The following DAW1 variants were observed in gnomAD, a reference collection of about 807,000 sequenced individuals.
DAW1 encodes the protein dynein assembly factor with WD repeats 1, also known as dynein assembly factor with WD repeat domains 1.
A neutral mutation model predicts 56.5 loss-of-function variants in DAW1; 47 were observed. The observed-to-expected ratio is 0.83, with a 90% CI of 0.66 to 1.06. The LOEUF is 1.06. Ranked by LOEUF, DAW1 falls within the 50% of genes least tolerant of loss-of-function variation. The probability of loss-of-function intolerance (pLI) is 0.00; values close to 1 mark genes in which losing one functional copy is unlikely to be tolerated. For missense variants in DAW1, 505 were observed against 499.3 expected (o/e 1.01, Z -0.11); for synonymous variants, 190 against 179.0 (o/e 1.06, Z -0.49).
At chr2:227,892,309 T>C (rs1004140714) in intron 4 of DAW1, among the ~76,000 whole-genome samples, 4 of 151,902 alleles carry the variant, frequency 2.6e-5, no homozygotes, top group African/African-American at 9.7e-5. Context: ...ATTTTTTGTA[T>C]TTTTAGCAGA....
chr2:227,874,742 A>G (rs6710425), intron 1 of DAW1, among the ~76,000 whole-genome samples: 1 of 152,208 alleles, frequency 6.6e-6, no homozygotes, highest in East Asian at 1.9e-4. Context: ...ACTATCCTGA[A>G]CTGAGGTCAG....
At chr2:227,897,605 G>A (rs1179511297) in intron 5 of DAW1, among the ~76,000 whole-genome samples, 1 of 152,154 alleles carries the variant, frequency 6.6e-6, no homozygotes, top group African/African-American at 2.4e-5. Context: ...GTTGATGTTA[G>A]CTCTGCCCCG....
At chr2:227,915,636 C>A (rs1175824757) in intron 10 of DAW1, among the ~76,000 whole-genome samples, 1 of 152,064 alleles carries the variant, frequency 6.6e-6, no homozygotes, top group Non-Finnish European at 1.5e-5. Context: ...GTAACATACC[C>A]TGTCTGTAGT....
At chr2:227,923,457 C>G (rs553079145) in intron 12 of DAW1, among the ~76,000 whole-genome samples, 14 of 152,202 alleles carry the variant, frequency 9.2e-5, no homozygotes, top group African/African-American at 3.1e-4. Flanking sequence ...GTGCCTGGTC[C>G]CTGAAGGTGA....
intron 5 of DAW1, 70 bp downstream of exon 5, chr2:227,893,987 G>C: frequency 6.9e-7 from 1 of 1,446,750 alleles, no homozygotes; most frequent in African/African-American, 1.4e-5. Context: ...TGGGGAGAAA[G>C]GGAAGAAGAC....
intron 10 of DAW1, among the ~76,000 whole-genome samples, chr2:227,910,239 G>A (rs112000329): frequency 1.8e-4 from 28 of 152,096 alleles, no homozygotes; most frequent in African/African-American, 6.5e-4. Flanking sequence ...ATCGCTTGAG[G>A]CCAGGAGTTT....
chr2:227,905,345 A>G (rs574784332), intron 8 of DAW1, among the ~76,000 whole-genome samples: 2 of 152,206 alleles, frequency 1.3e-5, no homozygotes, highest in Non-Finnish European at 2.9e-5. Context: ...TATGTTAGGC[A>G]GGAATATCAT....
chr2:227,916,082 T>C (rs1187622055), intron 10 of DAW1, among the ~76,000 whole-genome samples: 1 of 152,164 alleles, frequency 6.6e-6, no homozygotes, highest in Non-Finnish European at 1.5e-5. Context: ...TAACCATGTA[T>C]GATGCAACAT....
intron 7 of DAW1, among the ~76,000 whole-genome samples, chr2:227,904,456 C>T (rs578132527): frequency 1.3e-5 from 2 of 152,186 alleles, no homozygotes; most frequent in East Asian, 1.9e-4. Flanking sequence ...ATTTATCAAT[C>T]GATTTCATGT....
In DAW1 at chr2:227,920,360, A is replaced by T. The variant is rs544458092; in HGVS notation, c.1051-1039A>T. On this transcript the variant is annotated intron_variant, in intron 11 of 12. Transcript: ENST00000309931. ...ACTGGTAACAGAGTGATAAAAACAGATACGGCCCTGCCCTCCTCAAACCTT... is the reference window on the plus strand; with the variant it reads ...ACTGGTAACAGAGTGATAAAAACAGTTACGGCCCTGCCCTCCTCAAACCTT... Among the ~76,000 whole-genome samples the T allele has an allele frequency of 2.6e-5, 4 of 152,280 alleles. No homozygotes were observed. The South Asian group carries it at 8.3e-4, about 32-fold the overall frequency.
At chr2:227,893,990 A>G in intron 5 of DAW1, 73 bp downstream of exon 5, 1 of 1,436,444 alleles carries the variant, frequency 7.0e-7, no homozygotes, top group Admixed American at 2.7e-5. Context: ...GGAGAAAGGG[A>G]AGAAGACAAG....
chr2:227,891,230 A>G (rs1474597265), intron 3 of DAW1, 25 bp from the exon 4 acceptor site: 2 of 1,605,130 alleles, frequency 1.2e-6, no homozygotes, highest in Admixed American at 3.4e-5. Flanking sequence ...TTGAGTCTAA[A>G]AAATGGTGTT....
intron 3 of DAW1, 30 bp from the exon 4 acceptor site, chr2:227,891,225 T>C: frequency 6.3e-7 from 1 of 1,598,818 alleles, no homozygotes. Flanking sequence ...TTGGTTTGAG[T>C]CTAAAAAATG....
At chr2:227,922,208 C>A (rs973631571) in intron 12 of DAW1, among the ~76,000 whole-genome samples, 3 of 152,192 alleles carry the variant, frequency 2.0e-5, no homozygotes, top group African/African-American at 7.2e-5. Context: ...AAGTCAGGAT[C>A]AAAATTCTCC....
Position 227,924,166 on chromosome 2 carries a change from G to A in DAW1, c.*198G>A, listed in dbSNP as rs1692172414. The A allele has an allele frequency of 3.2e-6, 2 of 632,046 alleles. No individual in the cohort carries two copies. The highest frequency in any genetic ancestry group is 5.5e-6 in the Non-Finnish European group (2 of 360,826). The allele number at this position is 632,046 out of a possible 1,614,324, so 39.2% of individuals were successfully genotyped here. ...GCCACTCCAATATTATTATTTGATG[G>A]CGATGGCAGGACACAGCATAATGTT... On this transcript the variant is annotated 3_prime_UTR_variant, in exon 13 of 13. Transcript: ENST00000309931.
At chr2:227,880,456 G>A (rs376829365) in intron 1 of DAW1, among the ~76,000 whole-genome samples, 1 of 139,086 alleles carries the variant, frequency 7.2e-6, no homozygotes, top group South Asian at 2.3e-4. Flanking sequence ...TTTCTTTTTA[G>A]TTTGCTTTTG....
At chr2:227,922,809 G>A (rs756112155) in intron 12 of DAW1, among the ~76,000 whole-genome samples, 21 of 152,184 alleles carry the variant, frequency 1.4e-4, no homozygotes, top group Admixed American at 2.6e-4. Context: ...TACTTTGAAA[G>A]CACTGGGAAA....
intron 1 of DAW1, among the ~76,000 whole-genome samples, chr2:227,876,118 C>A (rs1041448853): frequency 6.6e-6 from 1 of 152,166 alleles, no homozygotes; most frequent in South Asian, 2.1e-4. Context: ...TGGGTTCATG[C>A]CATTCTCCTG....
intron 6 of DAW1, among the ~76,000 whole-genome samples, chr2:227,900,798 C>G (rs1691522925): frequency 6.6e-6 from 1 of 152,132 alleles, no homozygotes; most frequent in South Asian, 2.1e-4. Context: ...CTGTGCATGG[C>G]CAGAGGTGAT....
Sources: allele counts gnomAD v4.1 joint callset (sites outside exome capture counted in the v4.1 genomes callset), GRCh38; gene constraint gnomAD v4.1.1; transcripts MANE v1.5; gene names NCBI Gene and HGNC (gene_info 2026-07-23, HGNC 2026-07-21).